ANKRD31: variants seen among roughly 807,000 people sequenced by gnomAD.
The protein encoded by ANKRD31 is ankyrin repeat domain-containing protein 31.
Under a neutral mutation model 186.0 loss-of-function variants are expected in ANKRD31, and 147 were observed. The ratio of observed to expected loss-of-function variants is 0.79; its 90% CI spans 0.69 to 0.91. The LOEUF is 0.91. Among genes scored for constraint, ANKRD31 ranks in the 40% least tolerant of loss-of-function variants. ANKRD31 has a pLI of 0.00. For missense variants in ANKRD31, 1,986 were observed against 2,148.8 expected (o/e 0.92, Z 1.50); for synonymous variants, 673 against 736.4 (o/e 0.91, Z 1.39).
At chr5:75,129,384 A>T (rs951122263) in intron 17 of ANKRD31, among the ~76,000 whole-genome samples, 1 of 152,206 alleles carries the variant, frequency 6.6e-6, no homozygotes, top group Admixed American at 6.5e-5. Flanking sequence ...AGCCAAAAGA[A>T]GCCACATCGG....
intron 2 of ANKRD31, among the ~76,000 whole-genome samples, chr5:75,223,706 G>A (rs1441625565): frequency 3.9e-5 from 6 of 152,074 alleles, no homozygotes; most frequent in African/African-American, 7.2e-5. Flanking sequence ...GTGCACACCC[G>A]CCCCAGCCAA....
chr5:75,119,374 T>A (rs1748566402), intron 17 of ANKRD31, among the ~76,000 whole-genome samples: 2 of 152,240 alleles, frequency 1.3e-5, no homozygotes, highest in South Asian at 4.1e-4. Flanking sequence ...TGTTCCTGCA[T>A]TAATTCACTC....
chr5:75,075,070 A>G (rs59641773), intron 25 of ANKRD31, among the ~76,000 whole-genome samples: 7,441 of 152,318 alleles, frequency 0.049, 392 homozygotes, highest in African/African-American at 0.13. Flanking sequence ...AGTAAAATGT[A>G]TTATGAGTTC....
chr5:75,157,880 A>C (rs547893719), intron 11 of ANKRD31, among the ~76,000 whole-genome samples: 1 of 152,346 alleles, frequency 6.6e-6, no homozygotes, highest in South Asian at 2.1e-4. Context: ...GGTTAATGAA[A>C]CTACTCACCT....
intron 22 of ANKRD31, among the ~76,000 whole-genome samples, chr5:75,094,534 T>C (rs990312712): frequency 2.6e-5 from 4 of 152,020 alleles, no homozygotes; most frequent in African/African-American, 9.7e-5. Flanking sequence ...ACTCAAAAAA[T>C]ATGATGAAAA....
In ANKRD31 at chr5:75,136,560, T is replaced by C. The variant is rs183340176; in HGVS notation, c.3876+1296A>G. On this transcript the variant is annotated intron_variant, in intron 17 of 25. Coordinates refer to ENST00000506364, the MANE Select transcript of ANKRD31 (RefSeq NM_001372053.1). ...GAGAAATAGGAACACTTTTACACCA[T>C]TGGTGGGACTGTAAACTAGTTCAAC... 7.2e-3 allele frequency among the ~76,000 whole-genome samples: 1,097 copies of C among 152,304 alleles called. 39 individuals are homozygous for C. Among genetic ancestry groups the C allele is most frequent in the Admixed American group, 0.062 (943 of 15,298 alleles).
rs187449283 is a variant in ANKRD31 at position 75,146,674 on chromosome 5, T to A, written c.2737A>T (p.Ile913Leu). ...DDDCSTSEKAITSKKVLCSTG... is the reference protein window; with the variant it reads ...DDDCSTSEKALTSKKVLCSTG... The stretch of plus-strand genomic sequence containing the variant: ...GAACACAACACCTTTTTAGATGTTA[T>A]AGCCTTCTCAGAGGTAGAGCAATCA... Residue 913 changes from isoleucine to leucine, a missense_variant, in exon 14 of 26, where the codon ATA becomes TTA. Coordinates refer to ENST00000506364, the MANE Select transcript of ANKRD31 (RefSeq NM_001372053.1). 5 of 1,536,176 alleles carry A rather than the reference T, an allele frequency of 3.3e-6. No individual in the cohort carries two copies. The highest frequency in any genetic ancestry group is 4.4e-6 in the Non-Finnish European group (5 of 1,146,266).
intron 4 of ANKRD31, among the ~76,000 whole-genome samples, chr5:75,208,728 T>A (rs1756414582): frequency 6.6e-6 from 1 of 152,190 alleles, no homozygotes; most frequent in South Asian, 2.1e-4. Flanking sequence ...TGAAGTTCTG[T>A]CTCTCATCTT....
rs772499843 is a variant in ANKRD31, at chr5:75,080,572, T to C, written c.5643A>G (p.Gly1881=). The change falls in exon 25 of 26, where the codon GGA becomes GGG. Residue 1881 remains glycine, a synonymous_variant. Coordinates refer to ENST00000506364, the MANE Select transcript of ANKRD31 (RefSeq NM_001372053.1). ...NKSMFEKTKF[G]QGTSRESMQS... The stretch of plus-strand genomic sequence containing the variant: ...AATATTTTCTTTTTTTTTTACCTTG[T>C]CCAAATTTTGTTTTCTCAAACATTG... The C allele has an allele frequency of 1.7e-4, 255 of 1,527,222 alleles. No homozygotes were observed. The highest frequency in any genetic ancestry group is 3.2e-4 in the Admixed American group (16 of 50,012). The allele number at this position is 1,527,222 out of a possible 1,614,324, so 94.6% of individuals were successfully genotyped here.
chr5:75,122,110 G>T (rs1371412283), intron 17 of ANKRD31, among the ~76,000 whole-genome samples: 1 of 151,716 alleles, frequency 6.6e-6, no homozygotes, highest in Admixed American at 6.6e-5. Context: ...TAAACATAAT[G>T]AGAAATGAAG....
intron 15 of ANKRD31, among the ~76,000 whole-genome samples, chr5:75,143,598 G>A (rs1053515959): frequency 6.6e-6 from 1 of 152,048 alleles, no homozygotes; most frequent in Non-Finnish European, 1.5e-5. Flanking sequence ...TGTCCGTACT[G>A]TGAAACACAC....
intron 11 of ANKRD31, among the ~76,000 whole-genome samples, chr5:75,165,122 T>C (rs898566677): frequency 7.2e-5 from 11 of 152,208 alleles, no homozygotes; most frequent in African/African-American, 2.4e-4. Context: ...AGAGTTGTAA[T>C]TTTTTGTACC....
intron 22 of ANKRD31, 41 bp downstream of exon 22, chr5:75,104,187 T>C: frequency 7.2e-7 from 1 of 1,395,588 alleles, no homozygotes; most frequent in Non-Finnish European, 9.4e-7. Flanking sequence ...CTCACTTATT[T>C]ATAAAATTTG....
chr5:75,177,930 C>T (rs1401350154), intron 10 of ANKRD31, among the ~76,000 whole-genome samples: 1 of 152,046 alleles, frequency 6.6e-6, no homozygotes, highest in African/African-American at 2.4e-5. Context: ...TTAAAAGGCG[C>T]AGACTGGCAA....
chr5:75,188,383 C>A, intron 10 of ANKRD31, 110 bp downstream of exon 10: 1 of 1,057,240 alleles, frequency 9.5e-7, no homozygotes, highest in Non-Finnish European at 1.3e-6. Flanking sequence ...ATCTGAAAGC[C>A]TTCTGTTTGG....
intron 11 of ANKRD31, among the ~76,000 whole-genome samples, chr5:75,161,795 C>T (rs1752587859): frequency 6.6e-6 from 1 of 152,184 alleles, no homozygotes; most frequent in South Asian, 2.1e-4. Context: ...CTGAAAGGGA[C>T]CTATGTAGAG....
intron 3 of ANKRD31, among the ~76,000 whole-genome samples, chr5:75,219,386 A>C (rs1188145962): frequency 1.3e-5 from 2 of 152,162 alleles, no homozygotes; most frequent in African/African-American, 4.8e-5. Flanking sequence ...TCCCATTCAC[A>C]ATTGCCAAAA....
intron 24 of ANKRD31, among the ~76,000 whole-genome samples, chr5:75,081,528 C>T (rs1010779564): frequency 6.6e-6 from 1 of 152,170 alleles, no homozygotes; most frequent in Non-Finnish European, 1.5e-5. Flanking sequence ...TTGGAAATGC[C>T]TGCCTAGAAC....
intron 10 of ANKRD31, among the ~76,000 whole-genome samples, chr5:75,177,887 T>A (rs1028086336): frequency 1.5e-4 from 23 of 152,084 alleles, no homozygotes; most frequent in Admixed American, 5.2e-4. Context: ...ATAACAATAT[T>A]AACCTTAAAT....
Sources: allele counts gnomAD v4.1 joint callset (sites outside exome capture counted in the v4.1 genomes callset), GRCh38; gene constraint gnomAD v4.1.1; transcripts MANE v1.5; gene names NCBI Gene and HGNC (gene_info 2026-07-23, HGNC 2026-07-21).